Variants in PTPN2 observed in about 807,000 individuals in gnomAD.
PTPN2 encodes the protein protein tyrosine phosphatase non-receptor type 2.
A neutral mutation model predicts 57.3 loss-of-function variants in PTPN2; 19 were observed. That is an observed-to-expected ratio of 0.33 (90% CI 0.23 to 0.49). The LOEUF (loss-of-function observed/expected upper bound fraction) is 0.49. Among genes scored for constraint, PTPN2 ranks in the 20% least tolerant of loss-of-function variants. The probability of loss-of-function intolerance (pLI) is 0.99; values close to 1 mark genes in which losing one functional copy is unlikely to be tolerated. For missense variants in PTPN2, 358 were observed against 501.1 expected, an observed-to-expected ratio of 0.71 and a Z score of 2.73; for synonymous variants, 153 against 164.9, an observed-to-expected ratio of 0.93 and a Z score of 0.55.
intron 2 of PTPN2, chr18:12,841,025 G>A: frequency 7.3e-7 from 1 of 1,361,652 alleles, no homozygotes. Context: ...GGATCTAAAG[G>A]TAAGACATTA....
Position 12,793,537 on chromosome 18 carries a change from T to G in PTPN2, c.*741A>C, listed in dbSNP as rs2041047919. 1 of 980,362 alleles carries G rather than the reference T, an allele frequency of 1.0e-6. No homozygotes were observed. The highest frequency in any genetic ancestry group is 1.7e-5 in the African/African-American group (1 of 57,228). The allele number at this position is 980,362 out of a possible 1,614,324, so 60.7% of individuals were successfully genotyped here. A position where few individuals can be genotyped will look rare whatever the true frequency, so the allele number is the denominator to read the frequency against. ...CAAAGATATTTTTAGGAAAAACTTT[T>G]GTTTCTTTGTTTGCTTTTCTTTTTA... On this transcript the variant is annotated 3_prime_UTR_variant, in exon 9 of 9. Coordinates refer to ENST00000309660, the MANE Select transcript of PTPN2 (RefSeq NM_002828.4).
In PTPN2 at chr18:12,794,109, C is replaced by CA. The variant is rs2041073150; in HGVS notation, c.*168dup. 2 of 1,439,080 alleles carry CA rather than the reference C, an allele frequency of 1.4e-6. No individual in the cohort carries two copies. Among genetic ancestry groups the CA allele is most frequent in the Admixed American group, 2.9e-5 (1 of 34,654 alleles). 89.1% of individuals were successfully genotyped at this position (1,439,080 alleles called of 1,614,324 possible). A position where few individuals can be genotyped will look rare whatever the true frequency, so the allele number is the denominator to read the frequency against. ...TTTGGGGTTCAGAGGAACCTGCAGT[C>CA]AAGAGTCCTGAGATGTTGGGCTTGT... On this transcript the variant is annotated 3_prime_UTR_variant, in exon 9 of 9. Transcript: ENST00000309660.
intron 8 of PTPN2, among the ~76,000 whole-genome samples, chr18:12,794,766 C>T (rs1046260995): frequency 4.6e-5 from 7 of 152,248 alleles, no homozygotes; most frequent in Middle Eastern, 6.8e-3. Flanking sequence ...AGACTGCAGG[C>T]GTGCACCACT....
At chr18:12,809,445 T>C (rs983010746) in intron 7 of PTPN2, among the ~76,000 whole-genome samples, 4 of 152,222 alleles carry the variant, frequency 2.6e-5, no homozygotes, top group Non-Finnish European at 4.4e-5. Context: ...ACTGGGACTA[T>C]AGTCTCTCAA....
chr18:12,847,959 T>C (rs1033737367), intron 2 of PTPN2, among the ~76,000 whole-genome samples: 1 of 149,108 alleles, frequency 6.7e-6, no homozygotes, highest in African/African-American at 2.5e-5. Context: ...ACCCTAACAG[T>C]GAGTGAGAAA....
At chr18:12,878,732 C>A (rs928468685) in intron 1 of PTPN2, among the ~76,000 whole-genome samples, 1 of 152,054 alleles carries the variant, frequency 6.6e-6, no homozygotes, top group African/African-American at 2.4e-5. Flanking sequence ...ATTAATCAAC[C>A]AATTTCCAAG....
chr18:12,790,162 A>G (rs1206667817), downstream of PTPN2, among the ~76,000 whole-genome samples: 3 of 152,076 alleles, frequency 2.0e-5, no homozygotes, highest in African/African-American at 7.2e-5. Flanking sequence ...GGGCTCAAGC[A>G]ATCCTCCCAC....
intron 1 of PTPN2, among the ~76,000 whole-genome samples, chr18:12,873,366 T>C (rs1248592490): frequency 6.6e-6 from 1 of 152,084 alleles, no homozygotes; most frequent in Non-Finnish European, 1.5e-5. Flanking sequence ...TGCTGCCATC[T>C]CGGCTCACTG....
intron 5 of PTPN2, among the ~76,000 whole-genome samples, chr18:12,822,163 G>A (rs115424593): frequency 1.0e-4 from 8 of 76,372 alleles, no homozygotes; most frequent in Non-Finnish European, 1.7e-4. Flanking sequence ...TACTAAGGAC[G>A]TGCAGAGAAG....
intron 7 of PTPN2, among the ~76,000 whole-genome samples, chr18:12,805,486 A>G (rs2145264515): frequency 6.6e-6 from 1 of 152,028 alleles, no homozygotes; most frequent in African/African-American, 2.4e-5. Flanking sequence ...ACATACCTTC[A>G]TGATAAAAAC....
chr18:12,792,880 C>T lies in PTPN2; in HGVS notation c.*1398G>A, dbSNP rs973461632. ...TGCTGGGATTACAGGCATGAGCCAC[C>T]GCGCCCGACCAAACTGTTTTTAAAT... is the stretch of plus-strand genomic sequence containing the variant. On this transcript the variant is annotated 3_prime_UTR_variant, in exon 9 of 9. Transcript: ENST00000309660. The T allele has an allele frequency of 1.7e-5, 17 of 972,778 alleles. No individual in the cohort carries two copies. The African/African-American group carries it at 1.8e-4, about 10-fold the overall frequency. The allele number at this position is 972,778 out of a possible 1,614,324, so 60.3% of individuals were successfully genotyped here.
intron 1 of PTPN2, among the ~76,000 whole-genome samples, chr18:12,877,855 CA>C (rs1182564027): frequency 6.6e-6 from 1 of 151,746 alleles, no homozygotes; most frequent in African/African-American, 2.4e-5. Context: ...ACTAAAAATA[CA>C]AAAAATTAGC....
chr18:12,825,369 T>C (rs1177777790), intron 5 of PTPN2, among the ~76,000 whole-genome samples: 2 of 152,072 alleles, frequency 1.3e-5, no homozygotes, highest in African/African-American at 4.8e-5. Context: ...TAAGGTCAGG[T>C]GCTCTGCATA....
rs1324702221 is a variant in PTPN2, at chr18:12,870,385, G to A, written c.70-11131C>T. ...TATGTGTATATATACATATATATAC[G>A]TATATATGTATATATACACGTATAT... On this transcript the variant is annotated intron_variant, in intron 1 of 8. Coordinates refer to ENST00000309660, the MANE Select transcript of PTPN2 (RefSeq NM_002828.4). 1.5e-3 allele frequency among the ~76,000 whole-genome samples: 52 copies of A among 34,158 alleles called. 1 individual carries two copies. In the East Asian group the frequency reaches 0.025, roughly 16 times the overall value. 22.4% of individuals were successfully genotyped at this position (34,158 alleles called of 152,430 possible).
At position 12,816,963 on chromosome 18, in the gene PTPN2, T is replaced by C. The variant is rs115105969; in HGVS notation, c.705+193A>G. Among the ~76,000 whole-genome samples the C allele has an allele frequency of 6.7e-3, 1,020 of 152,246 alleles. 15 individuals carry two copies. Among genetic ancestry groups the C allele is most frequent in the African/African-American group, 0.023 (966 of 41,536 alleles). On this transcript the variant is annotated intron_variant, in intron 6 of 8. Transcript: ENST00000309660. ...TAGGGATCTCTAAAATCATCATGGATACATTCCTACCAGTCATGAATAAGA... is the reference window on the plus strand; with the variant it reads ...TAGGGATCTCTAAAATCATCATGGACACATTCCTACCAGTCATGAATAAGA...
intron 2 of PTPN2, among the ~76,000 whole-genome samples, chr18:12,852,587 C>T (rs985112649): frequency 2.0e-5 from 3 of 152,208 alleles, no homozygotes; most frequent in Non-Finnish European, 4.4e-5. Flanking sequence ...ACAATCACAG[C>T]TCACTGTAGT....
chr18:12,856,642 A>G (rs2043598756), intron 2 of PTPN2, among the ~76,000 whole-genome samples: 1 of 152,268 alleles, frequency 6.6e-6, no homozygotes, highest in Non-Finnish European at 1.5e-5. Context: ...CTTCAACTGC[A>G]GGTATACAAC....
chr18:12,817,182 A>T lies in PTPN2; in HGVS notation c.679T>A (p.Ser227Thr). The change falls in exon 6 of 9, where the codon TCT (serine) becomes ACT (threonine). Residue 227 changes from serine (S) to threonine (T), a missense_variant. Transcript: ENST00000309660. ...AAAACAAGACAAGTGTCTACCAGAG[A>T]GAAGGTGCCAGAGCGCCCAATGCCT... ...SAGIGRSGTF[S>T]LVDTCLVLME... 1 of 1,614,156 alleles carries T rather than the reference A, an allele frequency of 6.2e-7. No homozygotes were observed.
intron 1 of PTPN2, among the ~76,000 whole-genome samples, chr18:12,866,720 A>G (rs1019067563): frequency 6.6e-6 from 1 of 152,008 alleles, no homozygotes; most frequent in African/African-American, 2.4e-5. Context: ...TATGTGAAAT[A>G]TATCTCGGCC....
Sources: gnomAD v4.1 joint callset for allele counts (sites outside exome capture counted in the v4.1 genomes callset) on GRCh38, gnomAD v4.1.1 for gene constraint, MANE v1.5 for transcripts, NCBI Gene and HGNC (gene_info 2026-07-23, HGNC 2026-07-21) for gene names.